The following CDH12 variants were observed in gnomAD, a reference collection of about 807,000 sequenced individuals.
CDH12 encodes cadherin 12, also known as cadherin-12.
A neutral mutation model predicts 74.1 loss-of-function variants in CDH12; 41 were observed. The observed-to-expected ratio is 0.55, with a 90% confidence interval of 0.43 to 0.72. The LOEUF (loss-of-function observed/expected upper bound fraction) is 0.72. Ranked by LOEUF, CDH12 falls within the 30% of genes least tolerant of loss-of-function variation. CDH12 has a pLI of 0.00. For missense variants in CDH12, 945 were observed against 977.2 expected, an observed-to-expected ratio of 0.97 and a Z score of 0.44; for synonymous variants, 399 against 355.0, an observed-to-expected ratio of 1.12 and a Z score of -1.39.
chr5:22,772,365 A>C (rs1016340262), intron 1 of CDH12, among the ~76,000 whole-genome samples: 2 of 152,014 alleles, frequency 1.3e-5, no homozygotes, highest in Non-Finnish European at 2.9e-5. Flanking sequence ...GTTCAAAGAA[A>C]AAAGTAGCTA....
intron 1 of CDH12, 128 bp downstream of exon 1, chr5:22,852,930 T>A (rs1281021786): frequency 6.6e-6 from 1 of 152,232 alleles, no homozygotes; most frequent in Non-Finnish European, 1.5e-5. Flanking sequence ...GCCAGATCTG[T>A]GTGCAGCTTC....
chr5:22,386,956 A>G (rs896271083), intron 3 of CDH12, among the ~76,000 whole-genome samples: 4 of 152,022 alleles, frequency 2.6e-5, no homozygotes, highest in African/African-American at 9.7e-5. Context: ...TTATTTCAAA[A>G]GAAATAGTAA....
Position 22,736,263 on chromosome 5 carries a change from C to T in CDH12, c.-523+116795G>A, listed in dbSNP as rs1358847587. Among the ~76,000 whole-genome samples the T allele has an allele frequency of 2.6e-5, 4 of 151,632 alleles. No individual in the cohort carries two copies. In the South Asian group the frequency reaches 6.2e-4, roughly 24 times the overall value. On this transcript the variant is annotated intron_variant, in intron 1 of 14. Coordinates refer to ENST00000382254, the MANE Select transcript of CDH12 (RefSeq NM_004061.5). ...TTTAAAATTGAGATATACATAACTT[C>T]CTCCAGTTAGATATTTTAGTATAAT...
intron 1 of CDH12, among the ~76,000 whole-genome samples, chr5:22,801,516 A>G (rs1164081338): frequency 1.3e-5 from 2 of 151,396 alleles, no homozygotes; most frequent in African/African-American, 4.9e-5. Context: ...CAGCTGACGA[A>G]TTTGTCTTTT....
At chr5:22,577,027 A>T (rs566538451) in intron 1 of CDH12, among the ~76,000 whole-genome samples, 46 of 152,318 alleles carry the variant, frequency 3.0e-4, no homozygotes, top group Non-Finnish European at 4.4e-5. Flanking sequence ...TGCAAGACAG[A>T]GAAATGGCAT....
intron 5 of CDH12, among the ~76,000 whole-genome samples, chr5:22,027,706 T>C (rs1313923632): frequency 6.6e-6 from 1 of 152,170 alleles, no homozygotes; most frequent in Non-Finnish European, 1.5e-5. Context: ...CTTCTCTCTT[T>C]TTTTCTTTAT....
chr5:22,597,823 T>C (rs1736675738), intron 1 of CDH12, among the ~76,000 whole-genome samples: 1 of 152,228 alleles, frequency 6.6e-6, no homozygotes, highest in Non-Finnish European at 1.5e-5. Flanking sequence ...GTTCAAGTAT[T>C]TTAATGTGCA....
chr5:22,098,026 C>A (rs1743898931), intron 4 of CDH12, among the ~76,000 whole-genome samples: 3 of 152,200 alleles, frequency 2.0e-5, no homozygotes, highest in Admixed American at 2.0e-4. Context: ...TGGTGCCAAA[C>A]CCATATACTC....
At chr5:22,699,514 C>G (rs181120780) in intron 1 of CDH12, among the ~76,000 whole-genome samples, 98 of 152,160 alleles carry the variant, frequency 6.4e-4, no homozygotes, top group Non-Finnish European at 1.3e-3. Flanking sequence ...AGTAGTGCCC[C>G]CTGGAGAAGA....
chr5:22,430,126 C>T (rs1744106161), intron 2 of CDH12, among the ~76,000 whole-genome samples: 1 of 152,072 alleles, frequency 6.6e-6, no homozygotes. Flanking sequence ...ACTTACAATC[C>T]TAATGGGGAG....
At chr5:22,141,456 C>T (rs1296952301) in intron 4 of CDH12, 2 of 152,070 alleles carry the variant, frequency 1.3e-5, no homozygotes, top group Admixed American at 1.3e-4. Context: ...ATCCTTAGTT[C>T]TTTAGTGAGA....
chr5:22,035,248 C>T (rs1739089629), intron 5 of CDH12, among the ~76,000 whole-genome samples: 1 of 152,156 alleles, frequency 6.6e-6, no homozygotes, highest in East Asian at 1.9e-4. Flanking sequence ...TCTTCTTTGG[C>T]ACACAAAGAC....
chr5:22,136,896 GAATA>G (rs1397666497), intron 4 of CDH12, among the ~76,000 whole-genome samples: 2 of 151,726 alleles, frequency 1.3e-5, no homozygotes, highest in African/African-American at 2.4e-5. Context: ...ATAAATGAAT[GAATA>G]AATAATTAAA....
At chr5:22,045,614 A>C (rs1357177376) in intron 5 of CDH12, among the ~76,000 whole-genome samples, 2 of 151,922 alleles carry the variant, frequency 1.3e-5, no homozygotes, top group South Asian at 2.1e-4. Context: ...AAAAAAAAAA[A>C]AAACAATAAA....
intron 1 of CDH12, among the ~76,000 whole-genome samples, chr5:22,622,281 G>T (rs766796138): frequency 0.065 from 9,947 of 152,004 alleles, 430 homozygotes; most frequent in East Asian, 0.24. Flanking sequence ...GCAACCGAGA[G>T]GAACATCCCC....
chr5:22,197,984 TATG>T (rs1471500091), intron 4 of CDH12, among the ~76,000 whole-genome samples: 3 of 152,046 alleles, frequency 2.0e-5, no homozygotes, highest in Non-Finnish European at 4.4e-5. Context: ...CAACATTCAT[TATG>T]ATAAAAATAA....
At chr5:22,249,811 T>A (rs1019319164) in intron 3 of CDH12, among the ~76,000 whole-genome samples, 7 of 152,238 alleles carry the variant, frequency 4.6e-5, no homozygotes, top group African/African-American at 1.7e-4. Flanking sequence ...CATTTTTATG[T>A]TCATCTTTTG....
At chr5:22,255,951 C>A (rs1580452511) in intron 3 of CDH12, among the ~76,000 whole-genome samples, 1 of 151,812 alleles carries the variant, frequency 6.6e-6, no homozygotes, top group Non-Finnish European at 1.5e-5. Context: ...ATGAATTTAA[C>A]CTTTATTCTA....
chr5:22,698,733 ATAGTGTGTGT>A (rs1561586137), intron 1 of CDH12, among the ~76,000 whole-genome samples: 15 of 6,732 alleles, frequency 2.2e-3, no homozygotes, highest in African/African-American at 4.5e-3. Flanking sequence ...ATATATATAT[ATAGTGTGTGT>A]GTGTGTGTGT....
Sources: allele counts gnomAD v4.1 joint callset (sites outside exome capture counted in the v4.1 genomes callset), GRCh38; gene constraint gnomAD v4.1.1; transcripts MANE v1.5; gene names NCBI Gene and HGNC (gene_info 2026-07-23, HGNC 2026-07-21).